Variants in DOK6 observed in about 807,000 individuals in gnomAD.
DOK6 encodes the protein docking protein 6.
A neutral mutation model predicts 44.0 loss-of-function variants in DOK6; 22 were observed. The observed-to-expected ratio is 0.50, with a 90% CI of 0.36 to 0.71. DOK6 has a LOEUF of 0.71. Among genes scored for constraint, DOK6 ranks in the 30% least tolerant of loss-of-function variants. The pLI, the probability that DOK6 is intolerant of heterozygous loss-of-function variation, is 0.00. For synonymous variants in DOK6, 166 were observed against 145.5 expected (o/e 1.14, Z -1.01); for missense variants, 340 against 416.4 (o/e 0.82, Z 1.60).
intron 3 of DOK6, among the ~76,000 whole-genome samples, chr18:69,633,247 A>G (rs1984729315): frequency 6.6e-6 from 1 of 152,150 alleles, no homozygotes; most frequent in Admixed American, 6.6e-5. Context: ...ATTTTTCTTC[A>G]CAATAATCAG....
At chr18:69,457,763 C>T (rs1024908399) in intron 1 of DOK6, among the ~76,000 whole-genome samples, 4 of 152,112 alleles carry the variant, frequency 2.6e-5, no homozygotes, top group African/African-American at 4.8e-5. Flanking sequence ...TCTTTCAGTC[C>T]ATGAGCATGG....
chr18:69,767,400 A>G (rs1440088460), intron 7 of DOK6, among the ~76,000 whole-genome samples: 1 of 152,184 alleles, frequency 6.6e-6, no homozygotes, highest in Non-Finnish European at 1.5e-5. Flanking sequence ...TATAAACAAG[A>G]CATGGCACCT....
At chr18:69,455,171 A>T (rs1165361742) in intron 1 of DOK6, among the ~76,000 whole-genome samples, 1 of 124,952 alleles carries the variant, frequency 8.0e-6, no homozygotes, top group Admixed American at 8.5e-5. Context: ...AAAAAAAAAA[A>T]AAAGAAAAGA....
intron 7 of DOK6, among the ~76,000 whole-genome samples, chr18:69,831,727 A>G (rs1165217264): frequency 6.6e-6 from 1 of 152,214 alleles, no homozygotes; most frequent in East Asian, 1.9e-4. Context: ...GAATTTCAGA[A>G]GCACTCTAGG....
At chr18:69,605,451 T>C (rs1983973228) in intron 3 of DOK6, among the ~76,000 whole-genome samples, 1 of 152,140 alleles carries the variant, frequency 6.6e-6, no homozygotes, top group African/African-American at 2.4e-5. Context: ...TCACTTAACA[T>C]AGATGACAGT....
At chr18:69,741,269 A>C (rs1432417819) in intron 6 of DOK6, among the ~76,000 whole-genome samples, 2 of 152,262 alleles carry the variant, frequency 1.3e-5, no homozygotes, top group African/African-American at 2.4e-5. Flanking sequence ...TGTTTGATTT[A>C]ATTCAGAAAT....
intron 4 of DOK6, among the ~76,000 whole-genome samples, chr18:69,685,242 G>A (rs565488776): frequency 2.0e-5 from 3 of 151,168 alleles, no homozygotes; most frequent in Non-Finnish European, 2.9e-5. Flanking sequence ...TTTTCCTGCT[G>A]TACTAAAACA....
intron 1 of DOK6, among the ~76,000 whole-genome samples, chr18:69,410,436 C>T (rs975040728): frequency 1.3e-5 from 2 of 152,322 alleles, no homozygotes; most frequent in Non-Finnish European, 2.9e-5. Flanking sequence ...ATGTAACATG[C>T]TAGACTCCTC....
At position 69,552,353 on chromosome 18, in the gene DOK6, A is replaced by G. The variant is rs148967482; in HGVS notation, c.67-12134A>G. Among the ~76,000 whole-genome samples the G allele has an allele frequency of 2.8e-3, 431 of 152,114 alleles. 9 individuals are homozygous for G. The highest frequency in any genetic ancestry group is 0.024 in the Admixed American group (361 of 15,290). Reference sequence around the variant, plus strand: ...TCATATATTAAAGATGAATTTTAATATAGCAAGCATTATACTAAATATTCT... The same window carrying G: ...TCATATATTAAAGATGAATTTTAATGTAGCAAGCATTATACTAAATATTCT... On this transcript the variant is annotated intron_variant, in intron 1 of 7. Coordinates refer to ENST00000382713, the MANE Select transcript of DOK6 (RefSeq NM_152721.6).
intron 3 of DOK6, among the ~76,000 whole-genome samples, chr18:69,627,719 GATTTAC>G (rs1422466434): frequency 6.6e-6 from 1 of 152,122 alleles, no homozygotes; most frequent in Admixed American, 6.5e-5. Context: ...AAAGTGCTGG[GATTTAC>G]AGGCGTGACC....
At chr18:69,432,425 CAGAG>C (rs1324143891) in intron 1 of DOK6, among the ~76,000 whole-genome samples, 1 of 152,036 alleles carries the variant, frequency 6.6e-6, no homozygotes, top group Non-Finnish European at 1.5e-5. Flanking sequence ...GCCTGGGAAA[CAGAG>C]AGAGACCCTG....
In DOK6 at chr18:69,783,897, C is replaced by T. The variant is rs147358858; in HGVS notation, c.856+26024C>T. ...TAAATGTTCCGCAAGTGATATTTAA[C>T]GATTTTCTGCCCTTGGCTGGGCGTG... On this transcript the variant is annotated intron_variant, in intron 7 of 7. Coordinates refer to ENST00000382713, the MANE Select transcript of DOK6 (RefSeq NM_152721.6). Among the ~76,000 whole-genome samples, 87 of 152,198 alleles carry T rather than the reference C, an allele frequency of 5.7e-4. No individual in the cohort carries two copies. The East Asian group carries it at 0.012, about 21-fold the overall frequency.
chr18:69,738,564 T>C (rs1386548517), intron 5 of DOK6, among the ~76,000 whole-genome samples: 2 of 152,236 alleles, frequency 1.3e-5, no homozygotes, highest in African/African-American at 4.8e-5. Context: ...AGAATTTTAA[T>C]GCTCTCAGAA....
intron 2 of DOK6, among the ~76,000 whole-genome samples, chr18:69,598,682 C>T (rs745569622): frequency 1.1e-4 from 16 of 151,864 alleles, no homozygotes; most frequent in African/African-American, 2.4e-4. Context: ...CTGTTGACTG[C>T]GGGGGAAATT....
intron 2 of DOK6, among the ~76,000 whole-genome samples, chr18:69,580,349 A>C (rs754084453): frequency 3.3e-5 from 5 of 152,278 alleles, no homozygotes; most frequent in Admixed American, 3.3e-4. Context: ...AGGCTGTTGC[A>C]ATCTGTAATT....
chr18:69,646,946 GTCTA>G (rs1426050736), intron 3 of DOK6, among the ~76,000 whole-genome samples: 2 of 151,974 alleles, frequency 1.3e-5, no homozygotes, highest in South Asian at 2.1e-4. Context: ...TCTTCATATA[GTCTA>G]TCTATTTATC....
intron 3 of DOK6, among the ~76,000 whole-genome samples, chr18:69,618,971 C>T (rs1984375758): frequency 6.6e-6 from 1 of 151,876 alleles, no homozygotes; most frequent in South Asian, 2.1e-4. Context: ...ACTAAAAAAA[C>T]ACACCCACAC....
chr18:69,701,332 T>C lies in DOK6; in HGVS notation c.599+2739T>C, dbSNP rs540260672. Among the ~76,000 whole-genome samples, 9 of 152,378 alleles carry C rather than the reference T, an allele frequency of 5.9e-5. No individual in the cohort carries two copies. In the South Asian group the frequency reaches 1.7e-3, roughly 28 times the overall value. On this transcript the variant is annotated intron_variant, in intron 5 of 7. Transcript: ENST00000382713. ...CATCAGCTCGGAGCAATTGCTCTTT[T>C]ACCATAAGGATCATAACTTTGCATT...
intron 3 of DOK6, among the ~76,000 whole-genome samples, chr18:69,622,511 T>G (rs1320810013): frequency 6.6e-6 from 1 of 152,228 alleles, no homozygotes; most frequent in African/African-American, 2.4e-5. Context: ...AAGTATACTG[T>G]TGCCATTTGC....
Sources: gnomAD v4.1 joint callset for allele counts (sites outside exome capture counted in the v4.1 genomes callset) on GRCh38, gnomAD v4.1.1 for gene constraint, MANE v1.5 for transcripts, NCBI Gene and HGNC (gene_info 2026-07-23, HGNC 2026-07-21) for gene names.